Variants in NT5DC3 observed in about 807,000 individuals in gnomAD.
The protein encoded by NT5DC3 is 5'-nucleotidase domain-containing protein 3.
A neutral mutation model predicts 67.8 loss-of-function variants in NT5DC3; 42 were observed. The ratio of observed to expected loss-of-function variants is 0.62; its 90% CI spans 0.48 to 0.80. The LOEUF is 0.80. NT5DC3 is among the 30% of genes least tolerant of loss of function. The probability of loss-of-function intolerance (pLI) is 0.00; values close to 1 mark genes in which losing one functional copy is unlikely to be tolerated. For missense variants in NT5DC3, 570 were observed against 696.4 expected, an observed-to-expected ratio of 0.82 and a Z score of 2.04; for synonymous variants, 237 against 255.6, an observed-to-expected ratio of 0.93 and a Z score of 0.69.
chr12:103,808,015 C>CG (rs1886875139), intron 2 of NT5DC3, among the ~76,000 whole-genome samples: 1 of 152,178 alleles, frequency 6.6e-6, no homozygotes, highest in African/African-American at 2.4e-5. Context: ...CCCAGTTCCC[C>CG]GGGTATTTCC....
rs552619395 is a variant in NT5DC3, at chr12:103,774,071, C to G, written c.*3758G>C. On this transcript the variant is annotated 3_prime_UTR_variant, in exon 14 of 14. Coordinates refer to ENST00000392876, the MANE Select transcript of NT5DC3 (RefSeq NM_001031701.3). ...AACAACTAAAGTATTTCAAAAGCCA[C>G]GTTTCACCCGTAAAAACAACACTGG... is the stretch of plus-strand genomic sequence containing the variant. 6.6e-6 allele frequency: 1 copy of G among 152,184 alleles called. No homozygotes were observed. The highest frequency in any genetic ancestry group is 1.5e-5 in the Non-Finnish European group (1 of 68,036). The allele number at this position is 152,184 out of a possible 1,614,324, so 9.4% of individuals were successfully genotyped here.
chr12:103,836,221 T>A (rs903276163), intron 1 of NT5DC3, among the ~76,000 whole-genome samples: 2 of 152,094 alleles, frequency 1.3e-5, no homozygotes, highest in African/African-American at 4.8e-5. Flanking sequence ...TCAAAACCAA[T>A]CATGCCTTCC....
intron 11 of NT5DC3, among the ~76,000 whole-genome samples, chr12:103,786,309 G>A (rs772334425): frequency 1.3e-5 from 2 of 152,192 alleles, no homozygotes; most frequent in Admixed American, 6.5e-5. Context: ...GACAAGGTGG[G>A]GGAAAGTATG....
intron 6 of NT5DC3, among the ~76,000 whole-genome samples, chr12:103,794,940 A>G (rs1158416094): frequency 6.6e-6 from 1 of 152,224 alleles, no homozygotes; most frequent in Non-Finnish European, 1.5e-5. Flanking sequence ...CAGGGCCTCT[A>G]CGTGGTGACA....
At chr12:103,828,698 T>TTC (rs1275347111) in intron 1 of NT5DC3, among the ~76,000 whole-genome samples, 1 of 143,958 alleles carries the variant, frequency 6.9e-6, no homozygotes, top group East Asian at 2.0e-4. Flanking sequence ...TTTTCTTTCT[T>TTC]TTTATTTTTT....
At position 103,793,428 on chromosome 12, in the gene NT5DC3, T is replaced by C. The variant is rs765482345; in HGVS notation, c.899A>G (p.Asn300Ser). ...AACTTACACAAAGCTACTGGGGCTA[T>C]TGGTGATGAGAAACATCTTCTTGCC... ...DHGKKMFLIT[N>S]SPSSFVDKGM... Residue 300 changes from asparagine to serine, a missense_variant, in exon 8 of 14, where the codon AAT becomes AGT. This residue lies in a region of NT5DC3 where 466 missense variants were observed against 608.0 expected (regional missense o/e 0.77). Transcript: ENST00000392876. 9 of 1,614,040 alleles carry C rather than the reference T, an allele frequency of 5.6e-6. No homozygotes were observed. The highest frequency in any genetic ancestry group is 1.7e-5 in the Admixed American group (1 of 60,016).
chr12:103,777,698 G>GT lies in NT5DC3; in HGVS notation c.*130dup. ...TTAACCATTGGGAGAATTATTCTCC[G>GT]TAAGGTACAAAATAAATATCAAAAG... On this transcript the variant is annotated 3_prime_UTR_variant, in exon 14 of 14. Coordinates refer to ENST00000392876, the MANE Select transcript of NT5DC3 (RefSeq NM_001031701.3). The GT allele has an allele frequency of 9.3e-7, 1 of 1,080,070 alleles. No individual in the cohort carries two copies. Among genetic ancestry groups the GT allele is most frequent in the East Asian group, 2.4e-5 (1 of 41,856 alleles). The allele number at this position is 1,080,070 out of a possible 1,614,324, so 66.9% of individuals were successfully genotyped here. A position where few individuals can be genotyped will look rare whatever the true frequency, so the allele number is the denominator to read the frequency against.
intron 1 of NT5DC3, among the ~76,000 whole-genome samples, chr12:103,834,192 C>G (rs1359943148): frequency 6.6e-6 from 1 of 151,976 alleles, no homozygotes; most frequent in Non-Finnish European, 1.5e-5. Flanking sequence ...AACCACTGCT[C>G]CAGGGGAAAA....
intron 1 of NT5DC3, among the ~76,000 whole-genome samples, chr12:103,822,584 T>C (rs1887536017): frequency 1.3e-5 from 2 of 152,254 alleles, no homozygotes; most frequent in South Asian, 4.1e-4. Context: ...ATTTTCCTCT[T>C]GTCAGATTGC....
chr12:103,841,160 TG>T lies in NT5DC3; in HGVS notation c.-5del. On this transcript the variant is annotated 5_prime_UTR_variant, in exon 1 of 14. Transcript: ENST00000392876. ...CCGCCGCCGCTGCCATGGTCATGCC[TG>T]CTGCCTGCTGCCGCCACCGCCGCCG... 1 of 715,794 alleles carries T rather than the reference TG, an allele frequency of 1.4e-6. No homozygotes were observed. The highest frequency in any genetic ancestry group is 2.2e-6 in the Non-Finnish European group (1 of 463,664). The allele number at this position is 715,794 out of a possible 1,614,324, so 44.3% of individuals were successfully genotyped here. A position where few individuals can be genotyped will look rare whatever the true frequency, so the allele number is the denominator to read the frequency against.
chr12:103,826,077 C>T (rs893098312), intron 1 of NT5DC3, among the ~76,000 whole-genome samples: 4 of 152,164 alleles, frequency 2.6e-5, no homozygotes, highest in Admixed American at 2.6e-4. Flanking sequence ...AAAGTAGGTG[C>T]TTCCTAACTG....
At chr12:103,799,247 T>C (rs1424945202) in intron 4 of NT5DC3, among the ~76,000 whole-genome samples, 1 of 152,174 alleles carries the variant, frequency 6.6e-6, no homozygotes, top group African/African-American at 2.4e-5. Flanking sequence ...CCTCCAATAC[T>C]CTAGCCTGAG....
intron 9 of NT5DC3, among the ~76,000 whole-genome samples, chr12:103,792,172 GA>G (rs1355475712): frequency 6.6e-6 from 1 of 152,158 alleles, no homozygotes; most frequent in East Asian, 1.9e-4. Flanking sequence ...CAGTCAGTGG[GA>G]CAAAATAGTA....
chr12:103,818,613 T>G (rs940378461), intron 1 of NT5DC3, among the ~76,000 whole-genome samples: 2 of 152,158 alleles, frequency 1.3e-5, no homozygotes, highest in African/African-American at 4.8e-5. Context: ...TGACCTCAGG[T>G]GATCCGCCTG....
chr12:103,838,549 T>C (rs1369433029), intron 1 of NT5DC3, among the ~76,000 whole-genome samples: 1 of 152,196 alleles, frequency 6.6e-6, no homozygotes, highest in African/African-American at 2.4e-5. Context: ...AAACATGCAA[T>C]TGCCATTTGA....
chr12:103,826,961 T>C (rs915352479), intron 1 of NT5DC3, among the ~76,000 whole-genome samples: 12 of 152,194 alleles, frequency 7.9e-5, no homozygotes, highest in African/African-American at 2.2e-4. Flanking sequence ...TAAATACATA[T>C]GCCTGGGCGC....
chr12:103,810,949 A>G (rs573250815), intron 2 of NT5DC3, among the ~76,000 whole-genome samples: 1 of 152,330 alleles, frequency 6.6e-6, no homozygotes, highest in East Asian at 1.9e-4. Flanking sequence ...GAGGCAACGC[A>G]GAAGGGAACA....
the NT5DC3 span, chr12:103,749,184 G>T: frequency 1.9e-6 from 3 of 1,575,830 alleles, no homozygotes; most frequent in Non-Finnish European, 2.6e-6. Flanking sequence ...AGGGAAATTT[G>T]GGAGCAGCGC....
intron 10 of NT5DC3, 106 bp downstream of exon 10, chr12:103,788,732 T>G (rs1885904321): frequency 1.3e-6 from 1 of 780,092 alleles, no homozygotes; most frequent in East Asian, 2.4e-5. Flanking sequence ...TGGGAATCAC[T>G]CAGAACTGTG....
Sources: allele counts gnomAD v4.1 joint callset (sites outside exome capture counted in the v4.1 genomes callset), GRCh38; gene constraint gnomAD v4.1.1; regional missense constraint gnomAD v4.1.1; transcripts MANE v1.5; gene names NCBI Gene and HGNC (gene_info 2026-07-23, HGNC 2026-07-21).